Variants in PTPRG observed in about 807,000 individuals in gnomAD.
The protein encoded by PTPRG is protein tyrosine phosphatase receptor type G.
PTPRG carries 102 observed loss-of-function variants against 165.3 expected under a neutral mutation model. The observed-to-expected ratio is 0.62, with a 90% CI of 0.53 to 0.73. PTPRG has a LOEUF of 0.73. Ranked by LOEUF, PTPRG falls within the 30% of genes least tolerant of loss-of-function variation. PTPRG has a pLI of 0.00. For synonymous variants in PTPRG, 675 were observed against 669.5 expected (o/e 1.01, Z -0.13); for missense variants, 1,866 against 1,861.4 (o/e 1.00, Z -0.05).
intron 2 of PTPRG, among the ~76,000 whole-genome samples, chr3:61,916,773 G>T (rs981132518): frequency 6.6e-6 from 1 of 152,198 alleles, no homozygotes; most frequent in Non-Finnish European, 1.5e-5. Context: ...TGAAGACACT[G>T]AGGTATAGGA....
rs370397915 is a variant in PTPRG at position 61,915,202 on chromosome 3, C to T, written c.191-74423C>T. Among the ~76,000 whole-genome samples the T allele has an allele frequency of 1.6e-4, 25 of 152,300 alleles. No individual in the cohort carries two copies. In the East Asian group the frequency reaches 4.4e-3, roughly 27 times the overall value. On this transcript the variant is annotated intron_variant, in intron 2 of 29. Coordinates refer to ENST00000474889, the MANE Select transcript of PTPRG (RefSeq NM_002841.4). ...TGAGATCAAGCCACTGCACTCCAGC[C>T]TGGGCAACAGAGTGAGACTCTGTCT...
At chr3:61,610,757 C>CCCTG (rs766362921) in intron 1 of PTPRG, among the ~76,000 whole-genome samples, 40 of 112,728 alleles carry the variant, frequency 3.5e-4, no homozygotes, top group Middle Eastern at 4.8e-3. Flanking sequence ...CTGCCTCCCT[C>CCCTG]CCTCCCTCCC....
intron 2 of PTPRG, among the ~76,000 whole-genome samples, chr3:61,840,778 G>GTTTTTTT (rs1421518243): frequency 4.7e-5 from 5 of 106,182 alleles, no homozygotes; most frequent in African/African-American, 2.2e-4. Context: ...TTTTTTGTTT[G>GTTTTTTT]TTTGTTTTTT....
chr3:61,922,088 G>A (rs1190813882), intron 2 of PTPRG, among the ~76,000 whole-genome samples: 1 of 152,190 alleles, frequency 6.6e-6, no homozygotes, highest in African/African-American at 2.4e-5. Context: ...TCCTTCTGCA[G>A]GCATATCCTG....
intron 2 of PTPRG, among the ~76,000 whole-genome samples, chr3:61,804,357 A>G (rs1345823998): frequency 4.6e-5 from 7 of 152,170 alleles, no homozygotes; most frequent in Non-Finnish European, 1.0e-4. Context: ...TATCCTCCTT[A>G]CTGGGATGTG....
At chr3:62,150,901 A>G (rs1168853171) in intron 6 of PTPRG, among the ~76,000 whole-genome samples, 1 of 152,210 alleles carries the variant, frequency 6.6e-6, no homozygotes, top group Admixed American at 6.5e-5. Flanking sequence ...CACTTCCACA[A>G]TTCCTGATTA....
At chr3:62,123,879 A>G (rs774784909) in intron 5 of PTPRG, among the ~76,000 whole-genome samples, 3 of 152,170 alleles carry the variant, frequency 2.0e-5, no homozygotes, top group Non-Finnish European at 4.4e-5. Flanking sequence ...GAAAAAAGGC[A>G]AAGTCTGCTT....
chr3:61,708,383 G>C (rs955982426), intron 1 of PTPRG, among the ~76,000 whole-genome samples: 3 of 151,672 alleles, frequency 2.0e-5, no homozygotes, highest in African/African-American at 4.8e-5. Context: ...CCCAACTGGG[G>C]GATCATTAGC....
intron 1 of PTPRG, among the ~76,000 whole-genome samples, chr3:61,614,587 G>T (rs529002268): frequency 6.6e-6 from 1 of 151,590 alleles, no homozygotes; most frequent in African/African-American, 2.4e-5. Flanking sequence ...TTTTTTTGGT[G>T]TATTTTATGA....
intron 4 of PTPRG, among the ~76,000 whole-genome samples, chr3:62,055,357 G>C (rs1230922966): frequency 6.6e-6 from 1 of 152,148 alleles, no homozygotes; most frequent in African/African-American, 2.4e-5. Flanking sequence ...AATCATTGAG[G>C]CTGGGCATGC....
At chr3:61,563,157 CGGGGCGG>C (rs563271584) in intron 1 of PTPRG, among the ~76,000 whole-genome samples, 2 of 16,230 alleles carry the variant, frequency 1.2e-4, no homozygotes, top group East Asian at 9.4e-3. Flanking sequence ...TTTCGGCGGC[CGGGGCGG>C]TTTCGGCGGC....
intron 2 of PTPRG, among the ~76,000 whole-genome samples, chr3:61,875,605 C>G (rs985593882): frequency 6.6e-6 from 1 of 152,020 alleles, no homozygotes; most frequent in Non-Finnish European, 1.5e-5. Flanking sequence ...GGGCTGTCTG[C>G]TTGGAGTCAT....
chr3:61,700,326 A>G (rs778789460), intron 1 of PTPRG, among the ~76,000 whole-genome samples: 3 of 152,206 alleles, frequency 2.0e-5, no homozygotes, highest in Non-Finnish European at 2.9e-5. Flanking sequence ...ACCTGCAAGT[A>G]AATAGATTGG....
At chr3:61,976,270 C>G (rs1459755462) in intron 2 of PTPRG, among the ~76,000 whole-genome samples, 1 of 152,136 alleles carries the variant, frequency 6.6e-6, no homozygotes, top group Non-Finnish European at 1.5e-5. Context: ...TTAGCCCTGG[C>G]CTTTTGAGCA....
At position 62,140,180 on chromosome 3, in the gene PTPRG, G is replaced by A. The variant is rs1703869038; in HGVS notation, c.682+7512G>A. Among the ~76,000 whole-genome samples the A allele has an allele frequency of 2.0e-5, 3 of 152,144 alleles. No homozygotes were observed. The South Asian group carries it at 6.2e-4, about 31-fold the overall frequency. On this transcript the variant is annotated intron_variant, in intron 6 of 29. Transcript: ENST00000474889. ...GCTGCCTGCACTGTTCCCCTGCCGGGGATGCACTTGGTTCAGCCCCTTAAG... is the reference window on the plus strand; with the variant it reads ...GCTGCCTGCACTGTTCCCCTGCCGGAGATGCACTTGGTTCAGCCCCTTAAG...
chr3:61,604,605 C>A (rs1353749265), intron 1 of PTPRG, among the ~76,000 whole-genome samples: 1 of 152,132 alleles, frequency 6.6e-6, no homozygotes, highest in Non-Finnish European at 1.5e-5. Context: ...TTTCCATTTA[C>A]CAAATAAGGA....
intron 5 of PTPRG, among the ~76,000 whole-genome samples, chr3:62,122,667 T>C (rs970366815): frequency 6.6e-6 from 1 of 152,202 alleles, no homozygotes; most frequent in African/African-American, 2.4e-5. Flanking sequence ...AAATTCTATA[T>C]CCCAGAATTG....
At chr3:61,817,049 TTA>T (rs1200296470) in intron 2 of PTPRG, among the ~76,000 whole-genome samples, 34 of 127,672 alleles carry the variant, frequency 2.7e-4, no homozygotes, top group African/African-American at 9.5e-4. Flanking sequence ...ATATATAATA[TTA>T]TATATAATAT....
intron 6 of PTPRG, among the ~76,000 whole-genome samples, chr3:62,152,107 T>C (rs1704357682): frequency 1.3e-5 from 2 of 152,270 alleles, no homozygotes; most frequent in Non-Finnish European, 2.9e-5. Context: ...GGCTCACAGC[T>C]GTAATTGCAG....
Sources: allele counts gnomAD v4.1 joint callset (sites outside exome capture counted in the v4.1 genomes callset), GRCh38; gene constraint gnomAD v4.1.1; transcripts MANE v1.5; gene names NCBI Gene and HGNC (gene_info 2026-07-23, HGNC 2026-07-21).